The following ERBB4 variants were observed in gnomAD, a reference collection of about 807,000 sequenced individuals.
ERBB4 encodes the protein receptor tyrosine-protein kinase erbB-4.
ERBB4 carries 42 observed loss-of-function variants against 158.0 expected under a neutral mutation model. That is an observed-to-expected ratio of 0.27 (90% CI 0.21 to 0.34). The LOEUF is 0.34. Ranked by LOEUF, ERBB4 falls within the 10% of genes least tolerant of loss-of-function variation. The probability of loss-of-function intolerance (pLI) is 1.00; values close to 1 mark genes in which losing one functional copy is unlikely to be tolerated. For synonymous variants in ERBB4, 583 were observed against 558.7 expected, an observed-to-expected ratio of 1.04 and a Z score of -0.61; for missense variants, 1,333 against 1,624.1, an observed-to-expected ratio of 0.82 and a Z score of 3.08.
At chr2:212,401,322 G>A (rs1347377486) in intron 1 of ERBB4, among the ~76,000 whole-genome samples, 1 of 152,100 alleles carries the variant, frequency 6.6e-6, no homozygotes, top group Non-Finnish European at 1.5e-5. Flanking sequence ...GATCAAGTAA[G>A]ATAATATATA....
At chr2:211,532,330 T>C (rs746418301) in intron 20 of ERBB4, among the ~76,000 whole-genome samples, 9 of 152,110 alleles carry the variant, frequency 5.9e-5, no homozygotes, top group Non-Finnish European at 7.4e-5. Context: ...CTTGATGTGA[T>C]TGATACCCCA....
chr2:212,104,677 G>A (rs2079173994), intron 2 of ERBB4, among the ~76,000 whole-genome samples: 1 of 152,050 alleles, frequency 6.6e-6, no homozygotes, highest in South Asian at 2.1e-4. Context: ...AGACACTGGA[G>A]CCCATGATCC....
At chr2:212,458,175 T>A (rs1688394232) in intron 1 of ERBB4, among the ~76,000 whole-genome samples, 1 of 152,058 alleles carries the variant, frequency 6.6e-6, no homozygotes, top group South Asian at 2.1e-4. Flanking sequence ...GCAGAAACAT[T>A]GGAAAGCAAA....
At chr2:211,955,945 T>A (rs2081014605) in intron 2 of ERBB4, among the ~76,000 whole-genome samples, 1 of 152,056 alleles carries the variant, frequency 6.6e-6, no homozygotes, top group Non-Finnish European at 1.5e-5. Flanking sequence ...CTTTGGTAGA[T>A]TCATTTACAT....
intron 4 of ERBB4, among the ~76,000 whole-genome samples, chr2:211,772,808 GAT>G (rs761544601): frequency 0.13 from 4,952 of 37,530 alleles, 367 homozygotes; most frequent in East Asian, 0.33. Flanking sequence ...ACCATACTGG[GAT>G]ATATATATAT....
chr2:212,023,927 T>G (rs1421840630), intron 2 of ERBB4, among the ~76,000 whole-genome samples: 1 of 151,616 alleles, frequency 6.6e-6, no homozygotes, highest in Non-Finnish European at 1.5e-5. Flanking sequence ...ATATTGGCTT[T>G]TTTTTTTTAG....
At chr2:212,225,389 A>T (rs16847983) in intron 1 of ERBB4, among the ~76,000 whole-genome samples, 5,392 of 152,094 alleles carry the variant, frequency 0.035, 298 homozygotes, top group African/African-American at 0.12. Context: ...CATTTACATG[A>T]GGCTGGAATA....
intron 1 of ERBB4, among the ~76,000 whole-genome samples, chr2:212,364,426 G>A (rs1177340382): frequency 6.6e-6 from 1 of 151,564 alleles, no homozygotes; most frequent in Non-Finnish European, 1.5e-5. Flanking sequence ...GGAAGCCAGG[G>A]ATAATGCAAC....
chr2:212,002,210 T>C (rs1334331383), intron 2 of ERBB4, among the ~76,000 whole-genome samples: 1 of 152,106 alleles, frequency 6.6e-6, no homozygotes, highest in East Asian at 1.9e-4. Context: ...AAGCAAAATA[T>C]ACCAAAAGTT....
At chr2:211,959,647 CATT>C (rs1172832885) in intron 2 of ERBB4, among the ~76,000 whole-genome samples, 3 of 152,058 alleles carry the variant, frequency 2.0e-5, no homozygotes, top group Non-Finnish European at 4.4e-5. Context: ...GAGAAGCAAT[CATT>C]ATAGTACCTT....
chr2:212,348,014 G>C (rs2089088326), intron 1 of ERBB4, among the ~76,000 whole-genome samples: 1 of 151,984 alleles, frequency 6.6e-6, no homozygotes, highest in Non-Finnish European at 1.5e-5. Flanking sequence ...GGGGTATTTT[G>C]TCATTTTATG....
At chr2:212,520,020 T>C (rs1051891835) in intron 1 of ERBB4, among the ~76,000 whole-genome samples, 3 of 151,924 alleles carry the variant, frequency 2.0e-5, no homozygotes, top group African/African-American at 7.2e-5. Flanking sequence ...AAAATCACTC[T>C]GTATCCCATA....
chr2:211,951,918 T>C (rs1421812139), intron 2 of ERBB4, among the ~76,000 whole-genome samples: 1 of 152,068 alleles, frequency 6.6e-6, no homozygotes, highest in African/African-American at 2.4e-5. Flanking sequence ...TGGTCCATAG[T>C]AAATTATTTT....
intron 1 of ERBB4, among the ~76,000 whole-genome samples, chr2:212,425,285 T>C (rs993728282): frequency 6.9e-6 from 1 of 144,966 alleles, no homozygotes; most frequent in Non-Finnish European, 1.5e-5. Context: ...AAATAACAGA[T>C]ATATATTTTA....
intron 1 of ERBB4, among the ~76,000 whole-genome samples, chr2:212,196,702 T>A (rs2082435760): frequency 6.6e-6 from 1 of 152,170 alleles, no homozygotes; most frequent in African/African-American, 2.4e-5. Flanking sequence ...TTTCCATCAA[T>A]TTAAGCGATT....
At chr2:211,446,035 G>C (rs142303257) in intron 20 of ERBB4, among the ~76,000 whole-genome samples, 1 of 152,282 alleles carries the variant, frequency 6.6e-6, no homozygotes, top group African/African-American at 2.4e-5. Flanking sequence ...AACAAGATGG[G>C]GGGAGCTAAT....
intron 3 of ERBB4, among the ~76,000 whole-genome samples, chr2:211,894,633 T>C (rs1329867255): frequency 1.3e-5 from 2 of 152,108 alleles, no homozygotes; most frequent in East Asian, 3.8e-4. Flanking sequence ...TTTGAAAAAA[T>C]ACGCTAATAG....
At chr2:211,929,234 A>AGTGTGTGTGTGTGTGTGTGTGT (rs10542155) in intron 3 of ERBB4, among the ~76,000 whole-genome samples, 1 of 148,360 alleles carries the variant, frequency 6.7e-6, no homozygotes, top group Admixed American at 6.7e-5. Context: ...CTTTGGAATA[A>AGTGTGTGTGTGTGTGTGTGTGT]GTGTGTGTGT....
chr2:211,870,063 A>G (rs935388098), intron 3 of ERBB4, among the ~76,000 whole-genome samples: 4 of 151,952 alleles, frequency 2.6e-5, no homozygotes, highest in African/African-American at 7.2e-5. Context: ...TCTTTCTCCA[A>G]TTGTTTCCTT....
Sources: allele counts gnomAD v4.1 joint callset (sites outside exome capture counted in the v4.1 genomes callset), GRCh38; gene constraint gnomAD v4.1.1; transcripts MANE v1.5; gene names NCBI Gene and HGNC (gene_info 2026-07-23, HGNC 2026-07-21).